Variants in RYR3 observed in about 807,000 individuals in gnomAD.
RYR3 encodes brain ryanodine receptor-calcium release channel.
RYR3 carries 207 observed loss-of-function variants against 584.3 expected under a neutral mutation model. The ratio of observed to expected loss-of-function variants is 0.35; its 90% CI spans 0.32 to 0.40. RYR3 has a LOEUF of 0.40. Among genes scored for constraint, RYR3 ranks in the 10% least tolerant of loss-of-function variants. The pLI is 1.00. For missense variants in RYR3, 5,616 were observed against 6,089.2 expected, an observed-to-expected ratio of 0.92 and a Z score of 2.59; for synonymous variants, 2,416 against 2,248.5, an observed-to-expected ratio of 1.07 and a Z score of -2.11.
chr15:33,601,898 C>T (rs569111446), intron 17 of RYR3, among the ~76,000 whole-genome samples: 2 of 152,288 alleles, frequency 1.3e-5, no homozygotes, highest in East Asian at 3.9e-4. Context: ...TATATACCAA[C>T]TTTTTTTCTG....
At chr15:33,453,071 C>CTGCACTTGAAA (rs11274943) in intron 1 of RYR3, among the ~76,000 whole-genome samples, 81,464 of 151,782 alleles carry the variant, frequency 0.54, 21,898 homozygotes, top group Middle Eastern at 0.61. Context: ...GGGTTTTTTT[C>CTGCACTTGAAA]CTTAGGGGCA....
chr15:33,804,134 T>C (rs926895293), intron 69 of RYR3, among the ~76,000 whole-genome samples: 1 of 152,214 alleles, frequency 6.6e-6, no homozygotes, highest in African/African-American at 2.4e-5. Context: ...CAAAGGATGG[T>C]CATTTTCAGA....
chr15:33,425,929 A>C (rs891168263), intron 1 of RYR3, among the ~76,000 whole-genome samples: 11 of 152,282 alleles, frequency 7.2e-5, no homozygotes, highest in Admixed American at 3.3e-4. Context: ...GGCATGAGCC[A>C]CCGCGCCTGG....
At chr15:33,735,685 TTAAA>T in intron 48 of RYR3, among the ~76,000 whole-genome samples, 1 of 152,370 alleles carries the variant, frequency 6.6e-6, no homozygotes, top group South Asian at 2.1e-4. Flanking sequence ...AGATTATTCT[TTAAA>T]TAGTTACTGT....
At chr15:33,719,414 G>A (rs1441367444) in intron 43 of RYR3, among the ~76,000 whole-genome samples, 1 of 152,218 alleles carries the variant, frequency 6.6e-6, no homozygotes, top group Non-Finnish European at 1.5e-5. Context: ...CTGTGGGAAA[G>A]GCTAAGTTGA....
rs548656330 is a variant in RYR3, at chr15:33,840,222, G to A, written c.12979-603G>A. Among the ~76,000 whole-genome samples the A allele has an allele frequency of 2.0e-5, 3 of 152,304 alleles. No homozygotes were observed. In the East Asian group the frequency reaches 5.8e-4, roughly 29 times the overall value. On this transcript the variant is annotated intron_variant, in intron 89 of 103. Transcript: ENST00000634891. ...CTGGGGCAGGCATACTCCAGGCAGA[G>A]GATATGGCTAAGTATCCTTTGGAAT...
rs1467124850 is a variant in RYR3, at chr15:33,726,394, G to A, written c.6921G>A (p.Gln2307=). ...TCAACCCTATCTTCCAGCTCATCCAGACAGGAAAGGGGGAAGCCATCCGCA... is the reference window on the plus strand; with the variant it reads ...TCAACCCTATCTTCCAGCTCATCCAAACAGGAAAGGGGGAAGCCATCCGCA... ...GRCAPEMHLI[Q]TGKGEAIRIR... Residue 2307 remains glutamine (Q), a synonymous_variant, in exon 46 of 104, where the codon CAG becomes CAA. Transcript: ENST00000634891. The A allele has an allele frequency of 6.2e-7, 1 of 1,613,136 alleles. No homozygotes were observed. Among genetic ancestry groups the A allele is most frequent in the Admixed American group, 1.7e-5 (1 of 59,924 alleles).
intron 32 of RYR3, among the ~76,000 whole-genome samples, chr15:33,657,087 C>T (rs1288716550): frequency 6.6e-6 from 1 of 152,134 alleles, no homozygotes; most frequent in Non-Finnish European, 1.5e-5. Context: ...CTTATTACAC[C>T]CTCATGAGCC....
chr15:33,825,851 T>C (rs2077354180), intron 82 of RYR3, 175 bp downstream of exon 82: 1 of 528,616 alleles, frequency 1.9e-6, no homozygotes, highest in Non-Finnish European at 3.4e-6. Context: ...TCCTGCCTCA[T>C]CCTCCCGAGT....
intron 1 of RYR3, among the ~76,000 whole-genome samples, chr15:33,472,220 G>A (rs1185064521): frequency 6.6e-6 from 1 of 152,138 alleles, no homozygotes; most frequent in Non-Finnish European, 1.5e-5. Context: ...GCATTCCCCT[G>A]CAGCCCCTCA....
At chr15:33,773,086 G>T (rs1023136664) in intron 63 of RYR3, among the ~76,000 whole-genome samples, 32 of 152,132 alleles carry the variant, frequency 2.1e-4, no homozygotes, top group Admixed American at 2.1e-3. Context: ...TATCTCTAAG[G>T]GAAGTCTAGC....
chr15:33,519,151 A>T (rs555326164), intron 3 of RYR3, among the ~76,000 whole-genome samples: 1 of 152,298 alleles, frequency 6.6e-6, no homozygotes, highest in Non-Finnish European at 1.5e-5. Context: ...CAGTTCAGGA[A>T]GTGTCCAGCT....
At chr15:33,823,564 T>C (rs1447679114) in intron 81 of RYR3, among the ~76,000 whole-genome samples, 1 of 152,210 alleles carries the variant, frequency 6.6e-6, no homozygotes, top group Non-Finnish European at 1.5e-5. Context: ...GACACATCCA[T>C]TTTGACAGCG....
At chr15:33,533,445 T>C in intron 5 of RYR3, 56 bp downstream of exon 5, 1 of 1,224,850 alleles carries the variant, frequency 8.2e-7, no homozygotes, top group Non-Finnish European at 1.2e-6. Context: ...GCTAAGGGGC[T>C]TTTGAGAAGG....
At chr15:33,810,443 G>A in intron 70 of RYR3, 36 bp from the exon 71 acceptor site, 1 of 1,609,918 alleles carries the variant, frequency 6.2e-7, no homozygotes, top group Admixed American at 1.7e-5. Flanking sequence ...GAGAATCACT[G>A]AACCCCTCTC....
chr15:33,805,571 T>G (rs113115925), intron 69 of RYR3, among the ~76,000 whole-genome samples: 6,599 of 151,184 alleles, frequency 0.044, 457 homozygotes, highest in African/African-American at 0.15. Context: ...TCCGCCTCCC[T>G]GGTTCACACC....
At chr15:33,750,397 A>T in intron 57 of RYR3, 111 bp downstream of exon 57, 3 of 1,063,204 alleles carry the variant, frequency 2.8e-6, no homozygotes, top group Non-Finnish European at 4.0e-6. Context: ...GTCTTTTAAA[A>T]TGAGAACATT....
intron 38 of RYR3, among the ~76,000 whole-genome samples, chr15:33,671,186 C>A (rs942558307): frequency 3.3e-5 from 5 of 152,152 alleles, no homozygotes; most frequent in African/African-American, 1.2e-4. Flanking sequence ...TTCTGCAGGG[C>A]TGTTAGACTA....
chr15:33,430,295 TA>T (rs1379154769), intron 1 of RYR3, among the ~76,000 whole-genome samples: 2 of 152,274 alleles, frequency 1.3e-5, no homozygotes, highest in Non-Finnish European at 2.9e-5. Flanking sequence ...TAAGGGTTTT[TA>T]AAGGTGGGGA....
Sources: gnomAD v4.1 joint callset for allele counts (sites outside exome capture counted in the v4.1 genomes callset) on GRCh38, gnomAD v4.1.1 for gene constraint, MANE v1.5 for transcripts, NCBI Gene and HGNC (gene_info 2026-07-23, HGNC 2026-07-21) for gene names.